DIAPH2: variants seen among roughly 807,000 people sequenced by gnomAD.
DIAPH2 encodes protein diaphanous homolog 2.
A neutral mutation model predicts 92.7 loss-of-function variants in DIAPH2; 35 were observed. The ratio of observed to expected loss-of-function variants is 0.38; its 90% CI spans 0.29 to 0.50. DIAPH2 has a LOEUF of 0.50. DIAPH2 is among the 20% of genes least tolerant of loss of function. The probability of loss-of-function intolerance (pLI) is 0.94; values close to 1 mark genes in which losing one functional copy is unlikely to be tolerated. For synonymous variants in DIAPH2, 301 were observed against 280.4 expected (o/e 1.07, Z -0.73); for missense variants, 701 against 819.5 (o/e 0.86, Z 1.77).
At chrX:97,246,077 ATT>A (rs748702486) in intron 22 of DIAPH2, among the ~76,000 whole-genome samples, 6 of 81,101 alleles carry the variant, frequency 7.4e-5, no homozygotes, top group African/African-American at 9.0e-5. Flanking sequence ...TAATTTTTGT[ATT>A]TTTTTTTTTT....
At chrX:97,138,471 A>G (rs1212961067) in intron 21 of DIAPH2, among the ~76,000 whole-genome samples, 2 of 111,775 alleles carry the variant, frequency 1.8e-5, no homozygotes, top group East Asian at 5.6e-4. Flanking sequence ...GATTAGGTAG[A>G]TAGAATTCAA....
rs1366696544 is a variant in DIAPH2, at chrX:97,593,341, A to G, written c.3242-5912A>G. Among the ~76,000 whole-genome samples, 8 of 111,370 alleles carry G rather than the reference A, an allele frequency of 7.2e-5. No homozygotes were observed. In the East Asian group the frequency reaches 1.7e-3, roughly 23 times the overall value. ...AAGGAGGTAACATGAATCATTATAG[A>G]AATTCATGATTATTCAACAAATAGT... On this transcript the variant is annotated intron_variant, in intron 26 of 26. Transcript: ENST00000324765.
chrX:96,746,875 G>T (rs1020067432), intron 3 of DIAPH2, among the ~76,000 whole-genome samples: 1 of 111,524 alleles, frequency 9.0e-6, no homozygotes, highest in African/African-American at 3.3e-5. Flanking sequence ...AACTAAAGCG[G>T]TTCATATTCG....
At position 97,075,249 on chromosome X, in the gene DIAPH2, G is replaced by A; in HGVS notation, c.2235G>A (p.Glu745=). Reference sequence around the variant, plus strand: ...AGGTTAATGAAGACATGCTGAGTGAGGCTTTAATTCAGGTAACTTGGATAT... The same window carrying A: ...AGGTTAATGAAGACATGCTGAGTGAAGCTTTAATTCAGGTAACTTGGATAT... ...ILEVNEDMLS[E]ALIQNLVKHL... is the part of the protein sequence containing the mutation. The change falls in exon 19 of 27, where the codon GAG becomes GAA. Residue 745 remains glutamate (E), a synonymous_variant. Coordinates refer to ENST00000324765, the MANE Select transcript of DIAPH2 (RefSeq NM_006729.5). The A allele has an allele frequency of 1.7e-6, 2 of 1,169,247 alleles. No homozygotes were observed. The highest frequency in any genetic ancestry group is 2.3e-6 in the Non-Finnish European group (2 of 868,458).
chrX:97,023,084 A>G (rs991927442), intron 17 of DIAPH2, among the ~76,000 whole-genome samples: 1 of 111,944 alleles, frequency 8.9e-6, no homozygotes, highest in African/African-American at 3.2e-5. Flanking sequence ...GTATTTGGCA[A>G]TTACAAATTT....
At chrX:97,312,649 A>G (rs1468580797) in intron 23 of DIAPH2, among the ~76,000 whole-genome samples, 2 of 111,671 alleles carry the variant, frequency 1.8e-5, no homozygotes, top group South Asian at 3.7e-4. Flanking sequence ...GCACCCGGCA[A>G]GAATCCATAA....
At chrX:96,901,014 A>G (rs1383635370) in intron 5 of DIAPH2, among the ~76,000 whole-genome samples, 3 of 111,597 alleles carry the variant, frequency 2.7e-5, no homozygotes, top group Non-Finnish European at 5.6e-5. Context: ...TCTCTTTTGG[A>G]ATAGTTTCAG....
intron 23 of DIAPH2, among the ~76,000 whole-genome samples, chrX:97,308,304 C>CT (rs1457237645): frequency 1.8e-5 from 2 of 111,801 alleles, no homozygotes; most frequent in Non-Finnish European, 3.8e-5. Flanking sequence ...TTAACCTACT[C>CT]TTGTCTTACA....
At chrX:96,850,545 A>G (rs1244608344) in intron 4 of DIAPH2, among the ~76,000 whole-genome samples, 1 of 112,201 alleles carries the variant, frequency 8.9e-6, no homozygotes, top group Non-Finnish European at 1.9e-5. Flanking sequence ...ATTATGTGAT[A>G]CTGCTTCATA....
chrX:96,745,920 T>A (rs1305710218), intron 3 of DIAPH2, among the ~76,000 whole-genome samples: 1 of 112,153 alleles, frequency 8.9e-6, no homozygotes, highest in Non-Finnish European at 1.9e-5. Flanking sequence ...TATTTATTTA[T>A]TTTTTTGTTT....
At chrX:96,750,184 C>T (rs59795133) in intron 3 of DIAPH2, among the ~76,000 whole-genome samples, 3,467 of 106,033 alleles carry the variant, frequency 0.033, 149 homozygotes, top group African/African-American at 0.11. Flanking sequence ...CAGCCTCCTA[C>T]GCCTGGCTAA....
chrX:97,099,004 G>C (rs2066887900), intron 19 of DIAPH2, among the ~76,000 whole-genome samples: 2 of 111,982 alleles, frequency 1.8e-5, no homozygotes, highest in South Asian at 3.7e-4. Flanking sequence ...TACAAGCCAG[G>C]TGTAATTTAT....
chrX:96,908,543 T>G (rs1256687158), intron 5 of DIAPH2, among the ~76,000 whole-genome samples: 1 of 111,886 alleles, frequency 8.9e-6, no homozygotes, highest in African/African-American at 3.2e-5. Flanking sequence ...GAGCTGGAAT[T>G]TGCATACTCC....
intron 21 of DIAPH2, among the ~76,000 whole-genome samples, chrX:97,117,088 G>A (rs1300207205): frequency 1.8e-5 from 2 of 111,217 alleles, no homozygotes; most frequent in Admixed American, 1.9e-4. Flanking sequence ...AGAAGTGAAG[G>A]TTTTAAAATC....
At chrX:96,895,257 G>C (rs1046712343) in intron 5 of DIAPH2, among the ~76,000 whole-genome samples, 2 of 111,107 alleles carry the variant, frequency 1.8e-5, no homozygotes, top group African/African-American at 6.5e-5. Flanking sequence ...CACCTGCCTC[G>C]GCCTCCCAAA....
At chrX:97,384,099 G>C in intron 25 of DIAPH2, 55 bp downstream of exon 25, 1 of 978,240 alleles carries the variant, frequency 1.0e-6, no homozygotes. Context: ...AATAATTGCA[G>C]TTATTTATTT....
In DIAPH2 at chrX:97,095,098, C is replaced by CTTTTTTTTTTTTT. The variant is rs61350837; in HGVS notation, c.2248-4572_2248-4560dup. On this transcript the variant is annotated intron_variant, in intron 19 of 26. Transcript: ENST00000324765. Reference sequence around the variant, plus strand: ...GACTTTTAGGGAAATGTTTCTTTTTCTTTTTTTTTTTTTTTTTTTTTTTTT... The same window carrying CTTTTTTTTTTTTT: ...GACTTTTAGGGAAATGTTTCTTTTTCTTTTTTTTTTTTTTTTTTTTTTTTTTTTTTTTTTTTTT... 8.5e-4 allele frequency among the ~76,000 whole-genome samples: 19 copies of CTTTTTTTTTTTTT among 22,412 alleles called. 6 individuals carry two copies. The highest frequency in any genetic ancestry group is 3.7e-3 in the East Asian group (2 of 547). The allele number at this position is 22,412 out of a possible 115,157, so 19.5% of individuals were successfully genotyped here.
At chrX:97,557,362 A>G (rs1203790155) in intron 26 of DIAPH2, among the ~76,000 whole-genome samples, 5 of 111,661 alleles carry the variant, frequency 4.5e-5, no homozygotes, top group Non-Finnish European at 7.5e-5. Flanking sequence ...AACATGGTGA[A>G]ACCCCATCTC....
chrX:96,873,412 G>C (rs756367835), intron 4 of DIAPH2, among the ~76,000 whole-genome samples: 1 of 110,797 alleles, frequency 9.0e-6, no homozygotes, highest in African/African-American at 3.3e-5. Flanking sequence ...CTTTGCAGAA[G>C]CTTTTGAACT....
Sources: gnomAD v4.1 joint callset for allele counts (sites outside exome capture counted in the v4.1 genomes callset) on GRCh38, gnomAD v4.1.1 for gene constraint, MANE v1.5 for transcripts, NCBI Gene and HGNC (gene_info 2026-07-23, HGNC 2026-07-21) for gene names.